The following ASPH variants were observed in gnomAD, a reference collection of about 807,000 sequenced individuals.
ASPH encodes aspartyl/asparaginyl beta-hydroxylase.
ASPH carries 100 observed loss-of-function variants against 118.4 expected under a neutral mutation model. The observed-to-expected ratio is 0.84, with a 90% CI of 0.72 to 1.00. The LOEUF (loss-of-function observed/expected upper bound fraction) is 1.00, where lower values mean the gene tolerates loss of function less well. ASPH is among the 50% of genes least tolerant of loss of function. The pLI is 0.00. For synonymous variants in ASPH, 315 were observed against 325.6 expected (o/e 0.97, Z 0.35); for missense variants, 920 against 919.5 (o/e 1.00, Z -0.01).
At chr8:61,543,624 C>T (rs1822741499) in intron 21 of ASPH, among the ~76,000 whole-genome samples, 1 of 152,142 alleles carries the variant, frequency 6.6e-6, no homozygotes, top group Non-Finnish European at 1.5e-5. Flanking sequence ...CAGGGCCCCT[C>T]ACAGGCAGTT....
intron 1 of ASPH, among the ~76,000 whole-genome samples, chr8:61,685,056 G>A (rs906002749): frequency 3.9e-5 from 6 of 152,138 alleles, no homozygotes; most frequent in Admixed American, 2.6e-4. Flanking sequence ...CCAGGGCGGT[G>A]TCTCCCATTT....
At chr8:61,532,659 A>C (rs1818025854) in intron 21 of ASPH, among the ~76,000 whole-genome samples, 1 of 152,084 alleles carries the variant, frequency 6.6e-6, no homozygotes, top group African/African-American at 2.4e-5. Context: ...TATAACTTTT[A>C]GTGTTGCTGT....
At chr8:61,528,450 A>G (rs1816314780) in intron 21 of ASPH, among the ~76,000 whole-genome samples, 1 of 152,236 alleles carries the variant, frequency 6.6e-6, no homozygotes, top group African/African-American at 2.4e-5. Context: ...ACAAGGGAAG[A>G]ATTGCTCCTC....
At chr8:61,561,331 T>C (rs1829906908) in intron 18 of ASPH, among the ~76,000 whole-genome samples, 1 of 152,228 alleles carries the variant, frequency 6.6e-6, no homozygotes, top group East Asian at 1.9e-4. Context: ...ACAAATGCAA[T>C]GTTCCACATG....
chr8:61,531,514 A>C (rs1008355924), intron 21 of ASPH, among the ~76,000 whole-genome samples: 60 of 152,176 alleles, frequency 3.9e-4, no homozygotes, highest in African/African-American at 1.3e-3. Context: ...TAGTTAGTAA[A>C]TAATTTTGTT....
chr8:61,695,426 C>A (rs1290270541), intron 1 of ASPH, among the ~76,000 whole-genome samples: 1 of 152,162 alleles, frequency 6.6e-6, no homozygotes, highest in African/African-American at 2.4e-5. Flanking sequence ...TAGACACCTG[C>A]CCAAAATACC....
intron 3 of ASPH, chr8:61,676,223 A>G (rs1825284025): frequency 6.3e-7 from 1 of 1,597,418 alleles, no homozygotes; most frequent in Non-Finnish European, 8.5e-7. Flanking sequence ...GAGAAATGAG[A>G]GGAAACCATA....
At chr8:61,609,522 G>A (rs1286203270) in intron 14 of ASPH, among the ~76,000 whole-genome samples, 1 of 152,150 alleles carries the variant, frequency 6.6e-6, no homozygotes, top group Non-Finnish European at 1.5e-5. Flanking sequence ...GCAGCAAAGA[G>A]GAAAGGCATG....
intron 24 of ASPH, among the ~76,000 whole-genome samples, chr8:61,507,662 G>GAA: frequency 6.6e-6 from 1 of 151,372 alleles, no homozygotes; most frequent in Non-Finnish European, 1.5e-5. Context: ...GGGAAAGGAT[G>GAA]TTTTTTTTCC....
intron 22 of ASPH, among the ~76,000 whole-genome samples, chr8:61,523,320 C>CTT (rs781759491): frequency 1.0e-4 from 12 of 118,246 alleles, no homozygotes; most frequent in African/African-American, 3.1e-4. Context: ...TTCTTTCTTT[C>CTT]TTTTTTTTTT....
At chr8:61,624,820 A>G (rs1006610732) in intron 13 of ASPH, 5 of 985,560 alleles carry the variant, frequency 5.1e-6, no homozygotes, top group Non-Finnish European at 6.0e-6. Context: ...AGTAGCTTCT[A>G]TAATTCACAA....
chr8:61,694,162 A>G (rs1833374406), intron 1 of ASPH, among the ~76,000 whole-genome samples: 2 of 152,190 alleles, frequency 1.3e-5, no homozygotes, highest in Admixed American at 1.3e-4. Flanking sequence ...AACCCTCAGC[A>G]GGAAGCTATC....
In ASPH at chr8:61,681,040, T is replaced by G; in HGVS notation, c.254-4A>C. 6.3e-7 allele frequency: 1 copy of G among 1,589,016 alleles called. No homozygotes were observed. Among genetic ancestry groups the G allele is most frequent in the Non-Finnish European group, 8.6e-7 (1 of 1,167,708 alleles). On this transcript the variant is annotated splice_polypyrimidine_tract_variant and splice_region_variant and intron_variant, in intron 2 of 24. Coordinates refer to ENST00000379454, the MANE Select transcript of ASPH (RefSeq NM_004318.4). ...GCATCATAGATTCCTAGTTTTCCTA[T>G]AATAGGGCAGAAATGATGGATATGG...
chr8:61,516,395 G>A (rs1810925333), intron 24 of ASPH, among the ~76,000 whole-genome samples: 1 of 152,160 alleles, frequency 6.6e-6, no homozygotes, highest in African/African-American at 2.4e-5. Flanking sequence ...CCTCAGAAGA[G>A]GACGGCCCCT....
At chr8:61,590,550 CTGTGTGTGTGTGTG>C (rs5891814) in intron 14 of ASPH, among the ~76,000 whole-genome samples, 11 of 146,798 alleles carry the variant, frequency 7.5e-5, no homozygotes, top group African/African-American at 1.8e-4. Flanking sequence ...TAATTTAACT[CTGTGTGTGTGTGTG>C]TGTGTGTGTG....
chr8:61,560,966 G>T (rs1467205625), intron 18 of ASPH, among the ~76,000 whole-genome samples: 1 of 151,546 alleles, frequency 6.6e-6, no homozygotes, highest in Non-Finnish European at 1.5e-5. Context: ...AAGCGAGAGA[G>T]GGAGGGGTAG....
In ASPH at chr8:61,561,853, G is replaced by A. The variant is rs117306074; in HGVS notation, c.1437+891C>T. Among the ~76,000 whole-genome samples the A allele has an allele frequency of 2.9e-3, 445 of 152,298 alleles. 2 individuals carry two copies. The highest frequency in any genetic ancestry group is 4.4e-3 in the Non-Finnish European group (300 of 68,020). On this transcript the variant is annotated intron_variant, in intron 18 of 24. Coordinates refer to ENST00000379454, the MANE Select transcript of ASPH (RefSeq NM_004318.4). ...TGAAGCAGGAGGATTGCTTGAGTCC[G>A]GGACATGGATGTTGAGGTGAGCTAT...
intron 24 of ASPH, among the ~76,000 whole-genome samples, chr8:61,508,652 G>T (rs1008214722): frequency 6.6e-6 from 1 of 152,174 alleles, no homozygotes; most frequent in African/African-American, 2.4e-5. Flanking sequence ...TCACGCAAAG[G>T]AATCACATGG....
intron 19 of ASPH, among the ~76,000 whole-genome samples, chr8:61,553,961 G>C (rs185094278): frequency 6.6e-6 from 1 of 152,234 alleles, no homozygotes; most frequent in Non-Finnish European, 1.5e-5. Context: ...CTGCACGATA[G>C]AATGGGAAAG....
Sources: allele counts gnomAD v4.1 joint callset (sites outside exome capture counted in the v4.1 genomes callset), GRCh38; gene constraint gnomAD v4.1.1; transcripts MANE v1.5; gene names NCBI Gene and HGNC (gene_info 2026-07-23, HGNC 2026-07-21).